The following SEMA5B variants were observed in gnomAD, a reference collection of about 807,000 sequenced individuals.
SEMA5B encodes semaphorin 5B.
Under a neutral mutation model 135.0 loss-of-function variants are expected in SEMA5B, and 66 were observed. That is an observed-to-expected ratio of 0.49 (90% CI 0.40 to 0.60). The LOEUF (loss-of-function observed/expected upper bound fraction) is 0.60, where lower values mean the gene tolerates loss of function less well. SEMA5B is among the 20% of genes least tolerant of loss of function. The pLI is 0.00. For synonymous variants in SEMA5B, 690 were observed against 639.5 expected, an observed-to-expected ratio of 1.08 and a Z score of -1.19; for missense variants, 1,501 against 1,566.3, an observed-to-expected ratio of 0.96 and a Z score of 0.70.
intron 2 of SEMA5B, among the ~76,000 whole-genome samples, chr3:122,956,062 G>A (rs1020918897): frequency 6.6e-6 from 1 of 152,238 alleles, no homozygotes; most frequent in Non-Finnish European, 1.5e-5. Context: ...GGGGAAGGGG[G>A]CACAGATGGC....
In SEMA5B at chr3:122,948,620, G is replaced by A. The variant is rs975870235; in HGVS notation, c.214C>T (p.Pro72Ser). 2 of 1,613,844 alleles carry A rather than the reference G, an allele frequency of 1.2e-6. No homozygotes were observed. Among genetic ancestry groups the A allele is most frequent in the African/African-American group, 2.7e-5 (2 of 74,918 alleles). Reference protein sequence around the residue: ...AGPLAVSLLLPSLTLLVSHLS... With the variant: ...AGPLAVSLLLSSLTLLVSHLS... ...TGGGACACCAGCAGTGTGAGGCTGGGCAGCAACAGCGAGACAGCCAGGGGG... is the reference window on the plus strand; with the variant it reads ...TGGGACACCAGCAGTGTGAGGCTGGACAGCAACAGCGAGACAGCCAGGGGG... The change falls in exon 3 of 23, where the codon CCC (proline) becomes TCC (serine). Residue 72 changes from proline (P) to serine (S), a missense_variant. Physicochemically the swap from Pro to Ser is moderately conservative, Grantham distance 74 (BLOSUM62 -1). Coordinates refer to ENST00000357599, the MANE Select transcript of SEMA5B (RefSeq NM_001031702.4).
chr3:123,001,509 A>G (rs1942174709), intron 1 of SEMA5B, among the ~76,000 whole-genome samples: 1 of 151,996 alleles, frequency 6.6e-6, no homozygotes, highest in African/African-American at 2.4e-5. Context: ...CATCTGCCCC[A>G]CTCTATCCAA....
intron 1 of SEMA5B, among the ~76,000 whole-genome samples, chr3:122,980,632 A>G (rs1036820650): frequency 6.6e-6 from 1 of 152,168 alleles, no homozygotes; most frequent in Non-Finnish European, 1.5e-5. Context: ...CAATGGCCCA[A>G]ATTATTATTA....
rs147968317 is a variant in SEMA5B, at chr3:122,935,686, CTTTTTTTTTTTTTTTT to C, written c.474+3723_474+3738del. On this transcript the variant is annotated intron_variant, in intron 5 of 22. Transcript: ENST00000357599. The stretch of plus-strand genomic sequence containing the variant: ...CACTTTTTTTTCTTTTTCTTTCTTT[CTTTTTTTTTTTTTTTT>C]TTTTTTTTGACAGATTCTCGCTTTG... Among the ~76,000 whole-genome samples, 5 of 70,260 alleles carry C rather than the reference CTTTTTTTTTTTTTTTT, an allele frequency of 7.1e-5. No individual in the cohort carries two copies. The Admixed American group carries it at 8.2e-4, about 12-fold the overall frequency. The allele number at this position is 70,260 out of a possible 152,430, so 46.1% of individuals were successfully genotyped here. A position where few individuals can be genotyped will look rare whatever the true frequency, so the allele number is the denominator to read the frequency against.
At chr3:122,920,637 C>T (rs1042049902) in intron 12 of SEMA5B, among the ~76,000 whole-genome samples, 2 of 152,182 alleles carry the variant, frequency 1.3e-5, no homozygotes, top group Non-Finnish European at 2.9e-5. Context: ...AATGTCTCCC[C>T]GTTTTCCAGA....
chr3:122,986,914 G>C (rs973416634), intron 1 of SEMA5B, among the ~76,000 whole-genome samples: 6 of 152,234 alleles, frequency 3.9e-5, no homozygotes, highest in South Asian at 2.1e-4. Context: ...CCGGCCGTGA[G>C]CTAGCAGGCC....
intron 3 of SEMA5B, among the ~76,000 whole-genome samples, chr3:122,944,176 T>A (rs1939685151): frequency 6.6e-6 from 1 of 152,230 alleles, no homozygotes; most frequent in Admixed American, 6.5e-5. Context: ...GATTATTTAC[T>A]GATCCCCTGA....
At chr3:122,967,081 C>G (rs1940886162) in intron 1 of SEMA5B, among the ~76,000 whole-genome samples, 4 of 151,126 alleles carry the variant, frequency 2.6e-5, no homozygotes, top group Admixed American at 2.6e-4. Flanking sequence ...ACGGGGGTTT[C>G]TCCATGTTGG....
rs781357001 is a variant in SEMA5B, at chr3:122,923,766, A to G, written c.1137-14T>C. On this transcript the variant is annotated splice_polypyrimidine_tract_variant and intron_variant, in intron 9 of 22. Coordinates refer to ENST00000357599, the MANE Select transcript of SEMA5B (RefSeq NM_001031702.4). ...GCGATGCTGTTTCTGAAAGGCAAGAAGTGGTGGCACAGGGCCCTCCCTGTA... is the reference window on the plus strand; with the variant it reads ...GCGATGCTGTTTCTGAAAGGCAAGAGGTGGTGGCACAGGGCCCTCCCTGTA... 3 of 1,613,958 alleles carry G rather than the reference A, an allele frequency of 1.9e-6. No individual in the cohort carries two copies. The highest frequency in any genetic ancestry group is 2.5e-6 in the Non-Finnish European group (3 of 1,179,942).
intron 3 of SEMA5B, 45 bp from the exon 4 acceptor site, chr3:122,943,580 GCT>G: frequency 2.9e-6 from 4 of 1,366,892 alleles, no homozygotes; most frequent in Non-Finnish European, 4.1e-6. Flanking sequence ...TGGGCCAGAG[GCT>G]CCCAGCTGCA....
chr3:122,918,276 T>C (rs1225946265), intron 12 of SEMA5B, among the ~76,000 whole-genome samples: 1 of 152,248 alleles, frequency 6.6e-6, no homozygotes, highest in Admixed American at 6.5e-5. Context: ...CTCTTGCTCC[T>C]TCTTCCATCT....
Position 122,967,559 on chromosome 3 carries a change from C to T in SEMA5B, c.-38-6258G>A, listed in dbSNP as rs555738073. 2.0e-5 allele frequency among the ~76,000 whole-genome samples: 3 copies of T among 152,328 alleles called. No individual in the cohort carries two copies. In the East Asian group the frequency reaches 5.8e-4, roughly 29 times the overall value. On this transcript the variant is annotated intron_variant, in intron 1 of 22. Coordinates refer to ENST00000357599, the MANE Select transcript of SEMA5B (RefSeq NM_001031702.4). ...CAACCCTCACCACCATTCCAAAGCT[C>T]TTGGGTAATCACCAGCTGACAGAGG...
At chr3:122,939,521 AC>A in intron 4 of SEMA5B, 51 bp from the exon 5 acceptor site, 1 of 1,492,294 alleles carries the variant, frequency 6.7e-7, no homozygotes, top group Non-Finnish European at 9.3e-7. Context: ...TGCAGGCAGG[AC>A]CCAGGGAGCA....
chr3:122,912,860 T>C lies in SEMA5B; in HGVS notation c.2708A>G (p.Asn903Ser). Residue 903 changes from asparagine to serine, a missense_variant, in exon 18 of 23, where the codon AAC becomes AGC. This residue lies in a region of SEMA5B where 927 missense variants were observed against 881.6 expected (regional missense o/e 1.05). Coordinates refer to ENST00000357599, the MANE Select transcript of SEMA5B (RefSeq NM_001031702.4). ...VGDAAEYQDCNPQACPVRGAW... is the reference protein window; with the variant it reads ...VGDAAEYQDCSPQACPVRGAW... ...AGGGTTACCTGGGCAAGCCTGGGGG[T>C]TGCAGTCCTGGTACTCGGCAGCATC... 6.3e-7 allele frequency: 1 copy of C among 1,590,746 alleles called. No homozygotes were observed.
rs1297247054 is a variant in SEMA5B at position 122,909,198 on chromosome 3, C to A, written c.*945G>T. ...ACAGATGCACAGAGACATTTGGAGA[C>A]TGGATATCATCTTTAATTAATAATG... On this transcript the variant is annotated 3_prime_UTR_variant, in exon 23 of 23. Coordinates refer to ENST00000357599, the MANE Select transcript of SEMA5B (RefSeq NM_001031702.4). The A allele has an allele frequency of 6.6e-6, 1 of 152,616 alleles. No homozygotes were observed. Among genetic ancestry groups the A allele is most frequent in the Non-Finnish European group, 1.5e-5 (1 of 68,052 alleles). 9.5% of individuals were successfully genotyped at this position (152,616 alleles called of 1,614,324 possible).
chr3:122,946,151 C>A (rs936890804), intron 3 of SEMA5B, among the ~76,000 whole-genome samples: 1 of 152,158 alleles, frequency 6.6e-6, no homozygotes. Context: ...AATTCAATTA[C>A]CCACCTTGTG....
intron 18 of SEMA5B, 36 bp downstream of exon 18, chr3:122,912,807 T>C: frequency 2.0e-6 from 3 of 1,509,846 alleles, no homozygotes; most frequent in Non-Finnish European, 2.7e-6. Flanking sequence ...ATGACAGGGT[T>C]TCGCTAGGCC....
chr3:122,922,401 C>G lies in SEMA5B; in HGVS notation c.1319G>C (p.Arg440Pro). The change falls in exon 11 of 23, where the codon CGC becomes CCC. Residue 440 changes from arginine (R) to proline (P), a missense_variant. Arg to Pro is a moderately radical substitution (Grantham distance 103). Transcript: ENST00000357599. ...ETGPNENLTE[R>P]SLQDAQRLFL... ...GAGGCGCTGCGCGTCCTGCAGGCTG[C>G]GCTCCGTCAGGTTCTCGTTGGGACC... is the stretch of plus-strand genomic sequence containing the variant. 6.2e-7 allele frequency: 1 copy of G among 1,610,846 alleles called. No homozygotes were observed. Among genetic ancestry groups the G allele is most frequent in the Non-Finnish European group, 8.5e-7 (1 of 1,178,848 alleles).
chr3:123,017,134 C>T (rs1014343937), intron 1 of SEMA5B, among the ~76,000 whole-genome samples: 7 of 151,586 alleles, frequency 4.6e-5, no homozygotes, highest in Admixed American at 1.3e-4. Context: ...CTGATCTGCC[C>T]GCCTCAGCCT....
Sources: allele counts gnomAD v4.1 joint callset (sites outside exome capture counted in the v4.1 genomes callset), GRCh38; gene constraint gnomAD v4.1.1; regional missense constraint gnomAD v4.1.1; transcripts MANE v1.5; gene names NCBI Gene and HGNC (gene_info 2026-07-23, HGNC 2026-07-21).